COL5A1: variants seen among roughly 807,000 people sequenced by gnomAD.
COL5A1 encodes the protein collagen type V alpha 1 chain.
Under a neutral mutation model 263.7 loss-of-function variants are expected in COL5A1, and 16 were observed. The observed-to-expected ratio is 0.06, with a 90% CI of 0.04 to 0.09. The LOEUF is 0.09. Ranked by LOEUF, COL5A1 falls within the 10% of genes least tolerant of loss-of-function variation. The pLI is 1.00. For missense variants in COL5A1, 2,036 were observed against 2,540.5 expected (o/e 0.80, Z 4.27); for synonymous variants, 1,012 against 1,004.5 (o/e 1.01, Z -0.14).
At chr9:134,665,729 T>C (rs1282539574) in intron 1 of COL5A1, among the ~76,000 whole-genome samples, 2 of 152,152 alleles carry the variant, frequency 1.3e-5, no homozygotes, top group Non-Finnish European at 2.9e-5. Flanking sequence ...TGAGAACCTT[T>C]CCAGCAAGCA....
chr9:134,823,127 C>T, intron 60 of COL5A1, 94 bp downstream of exon 60: 1 of 1,410,868 alleles, frequency 7.1e-7, no homozygotes, highest in Non-Finnish European at 1.0e-6. Context: ...AGACAACCGT[C>T]CTAGCTCAGG....
At chr9:134,740,687 C>G (rs907357189) in intron 11 of COL5A1, among the ~76,000 whole-genome samples, 1 of 152,194 alleles carries the variant, frequency 6.6e-6, no homozygotes, top group Non-Finnish European at 1.5e-5. Context: ...CAGAGGGGTG[C>G]TGGTTCACAC....
chr9:134,729,396 A>G (rs1347287952), intron 6 of COL5A1, among the ~76,000 whole-genome samples: 1 of 152,128 alleles, frequency 6.6e-6, no homozygotes, highest in African/African-American at 2.4e-5. Flanking sequence ...CCTCAGAGCC[A>G]TTGTCAGAGG....
Position 134,754,340 on chromosome 9 carries a change from G to C in COL5A1, c.1827+14G>C, listed in dbSNP as rs1473227387. ...CCCGGAAGACGGGTGAGTGGTGCGA[G>C]TGTGTGTGGTTTAGTGACAGCAGCT... On this transcript the variant is annotated intron_variant, in intron 16 of 65. Coordinates refer to ENST00000371817, the MANE Select transcript of COL5A1 (RefSeq NM_000093.5). This position sits in a 1 kb window ranked among gnomAD's most constrained non-coding sequence, Gnocchi z 4.3. The C allele has an allele frequency of 1.2e-6, 2 of 1,613,954 alleles. No individual in the cohort carries two copies. Among genetic ancestry groups the C allele is most frequent in the South Asian group, 1.1e-5 (1 of 91,092 alleles).
rs532991794 is a variant in COL5A1, at chr9:134,675,879, C to T, written c.110-15033C>T. ...GTAGAGTCTCCCAGTTTCTTAAAGCCTAGACTTGTGAGCCAGCAGTGTTGC... is the reference window on the plus strand; with the variant it reads ...GTAGAGTCTCCCAGTTTCTTAAAGCTTAGACTTGTGAGCCAGCAGTGTTGC... On this transcript the variant is annotated intron_variant, in intron 1 of 65. Coordinates refer to ENST00000371817, the MANE Select transcript of COL5A1 (RefSeq NM_000093.5). Among the ~76,000 whole-genome samples the T allele has an allele frequency of 1.7e-4, 26 of 152,276 alleles. 1 individual carries two copies. The South Asian group carries it at 5.2e-3, about 30-fold the overall frequency.
At chr9:134,768,516 C>A in intron 25 of COL5A1, 53 bp downstream of exon 25, 1 of 1,563,214 alleles carries the variant, frequency 6.4e-7, no homozygotes, top group Non-Finnish European at 8.8e-7. Context: ...CTCCACCCTG[C>A]GGATAGGGCT....
At chr9:134,704,158 G>C (rs1334058226) in intron 4 of COL5A1, among the ~76,000 whole-genome samples, 4 of 152,196 alleles carry the variant, frequency 2.6e-5, no homozygotes, top group African/African-American at 9.6e-5. Context: ...CCCCAGGGAA[G>C]CACTAGAAAT....
chr9:134,700,073 G>A lies in COL5A1; in HGVS notation c.442G>A (p.Gly148Ser), dbSNP rs1833615231. 1 of 1,611,928 alleles carries A rather than the reference G, an allele frequency of 6.2e-7. No homozygotes were observed. The highest frequency in any genetic ancestry group is 1.3e-5 in the African/African-American group (1 of 74,940). The change falls in exon 3 of 66, where the codon GGC becomes AGC. Residue 148 changes from glycine (G) to serine (S), a missense_variant. By Grantham distance (56) the Gly-to-Ser change is moderately conservative. Around this residue, in one of 3 missense-constraint regions of COL5A1, gnomAD observed 600 missense variants for 634.5 expected, o/e 0.95. Coordinates refer to ENST00000371817, the MANE Select transcript of COL5A1 (RefSeq NM_000093.5). The surrounding 1 kb of genome is among the most constrained non-coding windows in gnomAD (Gnocchi z 4.0). ...FLYEDHTGKPGPEDYPLFRGI... is the reference protein window; with the variant it reads ...FLYEDHTGKPSPEDYPLFRGI... ...CTACGAGGACCACACGGGGAAGCCT[G>A]GCCCGGAAGACTACCCCCTCTTCCG...
In COL5A1 at chr9:134,835,190, G is replaced by C. The variant is rs1839807449; in HGVS notation, c.5356G>C (p.Val1786Leu). ...YDNNPYIRALVDGCATKKGYQ... is the reference protein window; with the variant it reads ...YDNNPYIRALLDGCATKKGYQ... Reference sequence around the variant, plus strand: ...CAACAACCCCTACATCCGCGCCCTGGTGGACGGCTGTGCTGTGAGTATCCC... The same window carrying C: ...CAACAACCCCTACATCCGCGCCCTGCTGGACGGCTGTGCTGTGAGTATCCC... The change falls in exon 65 of 66, where the codon GTG (valine) becomes CTG (leucine). Residue 1786 changes from valine to leucine, a missense_variant. Around this residue, in one of 3 missense-constraint regions of COL5A1, gnomAD observed 358 missense variants for 384.6 expected, o/e 0.93. Coordinates refer to ENST00000371817, the MANE Select transcript of COL5A1 (RefSeq NM_000093.5). 1.9e-6 allele frequency: 3 copies of C among 1,613,558 alleles called. No individual in the cohort carries two copies. Among genetic ancestry groups the C allele is most frequent in the Non-Finnish European group, 2.5e-6 (3 of 1,179,978 alleles).
At chr9:134,671,581 C>T (rs1294471938) in intron 1 of COL5A1, among the ~76,000 whole-genome samples, 1 of 152,160 alleles carries the variant, frequency 6.6e-6, no homozygotes, top group East Asian at 1.9e-4. Flanking sequence ...GTCAGCAGAG[C>T]CAGAGAGGAA....
At chr9:134,662,565 C>G (rs1478556828) in intron 1 of COL5A1, among the ~76,000 whole-genome samples, 2 of 152,230 alleles carry the variant, frequency 1.3e-5, no homozygotes, top group African/African-American at 2.4e-5. Context: ...ACATTCCGCG[C>G]TCCTTGGGTG....
intron 1 of COL5A1, among the ~76,000 whole-genome samples, chr9:134,654,739 TG>T (rs1831875663): frequency 3.0e-5 from 2 of 65,648 alleles, no homozygotes; most frequent in Non-Finnish European, 3.1e-5. Flanking sequence ...AGGGCTGGGG[TG>T]TGTGTAGGGC....
chr9:134,814,245 T>A (rs1024000751), intron 49 of COL5A1, among the ~76,000 whole-genome samples: 4 of 152,220 alleles, frequency 2.6e-5, no homozygotes, highest in African/African-American at 9.7e-5. Flanking sequence ...AATAGCTACC[T>A]GTGCCCAGTG....
At chr9:134,811,200 G>C in intron 44 of COL5A1, 139 bp from the exon 45 acceptor site, 1 of 816,904 alleles carries the variant, frequency 1.2e-6, no homozygotes, top group Non-Finnish European at 2.2e-6. Flanking sequence ...TTGCATCGTG[G>C]TGCAAGGAAC....
At chr9:134,737,797 C>T (rs1329914853) in intron 9 of COL5A1, among the ~76,000 whole-genome samples, 1 of 152,112 alleles carries the variant, frequency 6.6e-6, no homozygotes, top group Admixed American at 6.5e-5. Context: ...GGCCCTGTCC[C>T]CATTGGGGTT....
intron 8 of COL5A1, 27 bp downstream of exon 8, chr9:134,731,690 G>A (rs755785539): frequency 1.9e-6 from 3 of 1,594,586 alleles, no homozygotes; most frequent in Non-Finnish European, 2.6e-6. Context: ...CCCCGTTCCG[G>A]GTGGGGTTGG....
At chr9:134,671,058 GACT>G (rs1358162624) in intron 1 of COL5A1, among the ~76,000 whole-genome samples, 1 of 152,184 alleles carries the variant, frequency 6.6e-6, no homozygotes, top group African/African-American at 2.4e-5. Flanking sequence ...GCCGCAGCCT[GACT>G]CAGTCGTCTG....
At chr9:134,727,046 C>T (rs1366106339) in intron 4 of COL5A1, among the ~76,000 whole-genome samples, 13 of 103,142 alleles carry the variant, frequency 1.3e-4, no homozygotes, top group African/African-American at 3.7e-4. Flanking sequence ...GATGAGTGAA[C>T]GGATGGATGG....
chr9:134,815,606 C>T lies in COL5A1; in HGVS notation c.4045C>T (p.Pro1349Ser). ...GPVGFPGDPG[P>S]PGEPGPAGQD... ...AGTGGGTTTTCCTGGAGATCCTGGC[C>T]CCCCCGGAGAGCCTGGCCCCGCGGT... The change falls in exon 51 of 66, where the codon CCC becomes TCC. Residue 1349 changes from proline to serine, a missense_variant. Around this residue, in one of 3 missense-constraint regions of COL5A1, gnomAD observed 1,078 missense variants for 1,521.4 expected, o/e 0.71. Coordinates refer to ENST00000371817, the MANE Select transcript of COL5A1 (RefSeq NM_000093.5). The T allele has an allele frequency of 1.2e-6, 2 of 1,613,756 alleles. No homozygotes were observed. The highest frequency in any genetic ancestry group is 1.1e-5 in the South Asian group (1 of 90,936).
Sources: allele counts gnomAD v4.1 joint callset (sites outside exome capture counted in the v4.1 genomes callset), GRCh38; gene constraint gnomAD v4.1.1; regional missense constraint gnomAD v4.1.1; non-coding constraint Gnocchi (gnomAD v3.1); transcripts MANE v1.5; gene names NCBI Gene and HGNC (gene_info 2026-07-23, HGNC 2026-07-21).